The following CCDC141 variants were observed in gnomAD, a reference collection of about 807,000 sequenced individuals.
CCDC141 encodes coiled-coil domain-containing protein 141.
Under a neutral mutation model 181.0 loss-of-function variants are expected in CCDC141, and 168 were observed. That is an observed-to-expected ratio of 0.93 (90% CI 0.82 to 1.05). The LOEUF (loss-of-function observed/expected upper bound fraction) is 1.05, where lower values mean the gene tolerates loss of function less well. Among genes scored for constraint, CCDC141 ranks in the 50% least tolerant of loss-of-function variants. The pLI, the probability that CCDC141 is intolerant of heterozygous loss-of-function variation, is 0.00. For synonymous variants in CCDC141, 666 were observed against 642.3 expected (o/e 1.04, Z -0.56); for missense variants, 1,902 against 1,788.5 (o/e 1.06, Z -1.14).
intron 7 of CCDC141, among the ~76,000 whole-genome samples, chr2:178,912,248 CAG>C (rs909822209): frequency 4.6e-5 from 7 of 152,116 alleles, no homozygotes; most frequent in African/African-American, 1.7e-4. Flanking sequence ...TTACTGCCAA[CAG>C]AGAGATGCAA....
chr2:178,982,889 G>T (rs983253157), intron 2 of CCDC141, among the ~76,000 whole-genome samples: 1 of 152,222 alleles, frequency 6.6e-6, no homozygotes, highest in Non-Finnish European at 1.5e-5. Context: ...GGCTGGGGGA[G>T]GGGCTCCCAC....
At chr2:178,974,575 T>C (rs532512221) in intron 4 of CCDC141, among the ~76,000 whole-genome samples, 70 of 152,330 alleles carry the variant, frequency 4.6e-4, no homozygotes, top group African/African-American at 1.7e-3. Flanking sequence ...GATTTTCATC[T>C]GGAAAAATTC....
Position 178,859,326 on chromosome 2 carries a change from A to G in CCDC141, c.2725-2929T>C, listed in dbSNP as rs373782600. ...CTGCACTTTCCAATATGAAAACTTA[A>G]CTTCCCATCTAATCCCCACATAACT... On this transcript the variant is annotated intron_variant, in intron 17 of 23. Transcript: ENST00000443758. Among the ~76,000 whole-genome samples, 3 of 152,294 alleles carry G rather than the reference A, an allele frequency of 2.0e-5. No individual in the cohort carries two copies. In the East Asian group the frequency reaches 5.8e-4, roughly 29 times the overall value.
At chr2:178,937,712 T>C (rs776374354) in intron 6 of CCDC141, among the ~76,000 whole-genome samples, 2 of 152,164 alleles carry the variant, frequency 1.3e-5, no homozygotes, top group African/African-American at 2.4e-5. Context: ...TTAGGCATTT[T>C]TTTTGTTGAT....
At chr2:178,825,760 T>C (rs75502604), downstream of CCDC141, among the ~76,000 whole-genome samples, 2 of 151,994 alleles carry the variant, frequency 1.3e-5, no homozygotes, top group Non-Finnish European at 2.9e-5. Flanking sequence ...TTTGCCATGG[T>C]CTCTGGAGAT....
chr2:178,888,274 T>C (rs924246749), intron 9 of CCDC141, among the ~76,000 whole-genome samples: 1 of 152,196 alleles, frequency 6.6e-6, no homozygotes, highest in Non-Finnish European at 1.5e-5. Flanking sequence ...GTTAACACAG[T>C]ACTGTGCAAA....
chr2:178,954,947 C>T (rs1029848071), intron 5 of CCDC141, among the ~76,000 whole-genome samples: 7 of 152,068 alleles, frequency 4.6e-5, no homozygotes, highest in African/African-American at 1.7e-4. Context: ...GCTTAGTGTT[C>T]CTGCTGCAAT....
chr2:178,961,672 C>A (rs1275568620), intron 4 of CCDC141, among the ~76,000 whole-genome samples, 189 bp from the exon 5 acceptor site: 1 of 152,180 alleles, frequency 6.6e-6, no homozygotes, highest in Non-Finnish European at 1.5e-5. Context: ...GGTCAAACAC[C>A]TTAGCCGAAC....
At position 178,837,779 on chromosome 2, in the gene CCDC141, T is replaced by C. The variant is rs761799213; in HGVS notation, c.3475-35A>G. 5.1e-6 allele frequency: 8 copies of C among 1,555,358 alleles called. No individual in the cohort carries two copies. In the South Asian group the frequency reaches 7.4e-5, roughly 14 times the overall value. ...AGAAAAGCCAAATCATCCTTATTCA[T>C]TCATTTTTCTTTTTCCAGTTTCAAT... On this transcript the variant is annotated intron_variant, in intron 22 of 23. Transcript: ENST00000443758.
At chr2:178,818,723 G>T in the CCDC141 span, among the ~76,000 whole-genome samples, 1,845 of 152,226 alleles carry the variant, frequency 0.012, 35 homozygotes, top group African/African-American at 0.042. Flanking sequence ...ATTGTAAATA[G>T]TGCTGCAATG....
chr2:178,994,749 A>T (rs990306146), intron 2 of CCDC141, among the ~76,000 whole-genome samples: 8 of 152,148 alleles, frequency 5.3e-5, no homozygotes, highest in Admixed American at 4.6e-4. Flanking sequence ...CTTTAACAGC[A>T]CCCAGTCACC....
Position 178,918,893 on chromosome 2 carries a change from A to G in CCDC141, c.912T>C (p.Ala304=). ...GTGCCTCACTCTTCAGCTTCTCAAC[A>G]GCAGAATTCCATTCCTGCAAGAGAT... The part of the protein sequence containing the change: ...LIIKAKEWNS[A]VEKLKSEALR... Residue 304 remains alanine (A), a synonymous_variant, in exon 7 of 24, where the codon GCT becomes GCC. Transcript: ENST00000443758. 1 of 1,550,442 alleles carries G rather than the reference A, an allele frequency of 6.4e-7. No individual in the cohort carries two copies. Among genetic ancestry groups the G allele is most frequent in the Non-Finnish European group, 8.7e-7 (1 of 1,146,890 alleles).
intron 6 of CCDC141, among the ~76,000 whole-genome samples, chr2:178,933,789 G>C (rs1379394928): frequency 6.6e-6 from 1 of 152,144 alleles, no homozygotes; most frequent in African/African-American, 2.4e-5. Flanking sequence ...CACATAATGT[G>C]AATGAGTGAA....
intron 2 of CCDC141, among the ~76,000 whole-genome samples, chr2:178,989,836 A>G (rs1011375594): frequency 4.1e-5 from 6 of 145,256 alleles, no homozygotes; most frequent in African/African-American, 1.5e-4. Context: ...TCTTAAAAAA[A>G]AAAAAAAAAA....
chr2:179,032,388 A>G lies in CCDC141; in HGVS notation c.225+14896T>C, dbSNP rs568294371. ...GGGTGGTGGTGGCTTGGACTGAGGC[A>G]GAGACAATAGAAACACAAAAAGCAA... On this transcript the variant is annotated intron_variant, in intron 2 of 23. Coordinates refer to ENST00000443758, the MANE Select transcript of CCDC141 (RefSeq NM_173648.4). Among the ~76,000 whole-genome samples the G allele has an allele frequency of 2.0e-5, 3 of 152,266 alleles. No homozygotes were observed. The South Asian group carries it at 6.2e-4, about 32-fold the overall frequency.
intron 2 of CCDC141, among the ~76,000 whole-genome samples, chr2:179,024,785 C>T (rs1457467109): frequency 6.6e-6 from 1 of 152,144 alleles, no homozygotes; most frequent in African/African-American, 2.4e-5. Context: ...TCTAACTTTC[C>T]ATTAGTCTCT....
chr2:178,846,927 C>T (rs1196027678), intron 21 of CCDC141, among the ~76,000 whole-genome samples: 4 of 152,134 alleles, frequency 2.6e-5, no homozygotes, highest in Admixed American at 2.0e-4. Flanking sequence ...TTGCTGAGCC[C>T]ATTTTCTATA....
At chr2:178,968,347 C>G (rs898740468) in intron 4 of CCDC141, among the ~76,000 whole-genome samples, 3 of 152,196 alleles carry the variant, frequency 2.0e-5, no homozygotes, top group African/African-American at 4.8e-5. Flanking sequence ...GTAAAATACT[C>G]CTCAGCAAAT....
intron 8 of CCDC141, among the ~76,000 whole-genome samples, chr2:178,895,160 C>A (rs567915373): frequency 5.3e-5 from 8 of 152,256 alleles, no homozygotes; most frequent in South Asian, 2.1e-4. Context: ...TAGAATATTC[C>A]ATTATGTGCT....
Sources: gnomAD v4.1 joint callset for allele counts (sites outside exome capture counted in the v4.1 genomes callset) on GRCh38, gnomAD v4.1.1 for gene constraint, MANE v1.5 for transcripts, NCBI Gene and HGNC (gene_info 2026-07-23, HGNC 2026-07-21) for gene names.